Variants in COL26A1 observed in about 807,000 individuals in gnomAD.
COL26A1 encodes the protein collagen type XXVI alpha 1 chain, also known as collagen alpha-1(XXVI) chain.
A neutral mutation model predicts 59.3 loss-of-function variants in COL26A1; 41 were observed. The ratio of observed to expected loss-of-function variants is 0.69; its 90% CI spans 0.54 to 0.90. COL26A1 has a LOEUF of 0.90. COL26A1 is among the 40% of genes least tolerant of loss of function. COL26A1 has a pLI of 0.00. For missense variants in COL26A1, 612 were observed against 602.3 expected, an observed-to-expected ratio of 1.02 and a Z score of -0.17; for synonymous variants, 266 against 256.0, an observed-to-expected ratio of 1.04 and a Z score of -0.37.
intron 3 of COL26A1, among the ~76,000 whole-genome samples, chr7:101,475,372 C>A (rs924546079): frequency 2.0e-5 from 3 of 151,778 alleles, no homozygotes; most frequent in Non-Finnish European, 2.9e-5. Context: ...TCAGAGAATT[C>A]TTTTATGACC....
rs561638879 is a variant in COL26A1 at position 101,491,560 on chromosome 7, C to T, written c.386-41522C>T. ...AGCAGCCCTGAGGGGTGCTGGTTGC[C>T]CATTTTTATGGTTATTTCTTGATGA... On this transcript the variant is annotated intron_variant, in intron 3 of 12. Transcript: ENST00000313669. Among the ~76,000 whole-genome samples, 8 of 152,178 alleles carry T rather than the reference C, an allele frequency of 5.3e-5. 1 individual carries two copies. The highest frequency in any genetic ancestry group is 1.9e-4 in the African/African-American group (8 of 41,502).
chr7:101,457,911 T>C (rs1793515091), intron 3 of COL26A1, among the ~76,000 whole-genome samples: 1 of 121,694 alleles, frequency 8.2e-6, no homozygotes, highest in Non-Finnish European at 1.9e-5. Flanking sequence ...TTTTTTTTTT[T>C]TTTGAAATGG....
At chr7:101,452,740 A>G (rs1211327423) in intron 3 of COL26A1, among the ~76,000 whole-genome samples, 1 of 152,086 alleles carries the variant, frequency 6.6e-6, no homozygotes, top group Non-Finnish European at 1.5e-5. Flanking sequence ...TAGAAAAGGT[A>G]CAGTACAAAT....
chr7:101,553,220 C>G (rs1181208261), intron 10 of COL26A1, 106 bp from the exon 11 acceptor site: 1 of 1,019,330 alleles, frequency 9.8e-7, no homozygotes, highest in Non-Finnish European at 1.5e-6. Flanking sequence ...CAGGCCCTGC[C>G]TGCCCAGCCT....
intron 3 of COL26A1, among the ~76,000 whole-genome samples, chr7:101,462,938 A>G (rs184417076): frequency 1.3e-5 from 2 of 152,310 alleles, no homozygotes; most frequent in Non-Finnish European, 2.9e-5. Flanking sequence ...TCGTGCATCA[A>G]AGCACATAAT....
In COL26A1 at chr7:101,416,657, A is replaced by G. The variant is rs770074097; in HGVS notation, c.159-3320A>G. 5.6e-5 allele frequency among the ~76,000 whole-genome samples: 8 copies of G among 143,862 alleles called. 1 individual carries two copies. The highest frequency in any genetic ancestry group is 9.4e-5 in the Non-Finnish European group (6 of 63,518). The allele number at this position is 143,862 out of a possible 152,430, so 94.4% of individuals were successfully genotyped here. A position where few individuals can be genotyped will look rare whatever the true frequency, so the allele number is the denominator to read the frequency against. ...AGGTCACAGCTTAGATTTGCAGCTCATCGGTTTGCCCTTTAGCTGTTTCCA... is the reference window on the plus strand; with the variant it reads ...AGGTCACAGCTTAGATTTGCAGCTCGTCGGTTTGCCCTTTAGCTGTTTCCA... On this transcript the variant is annotated intron_variant, in intron 1 of 12. Transcript: ENST00000313669.
chr7:101,389,487 C>T (rs1350904763), intron 1 of COL26A1, among the ~76,000 whole-genome samples: 1 of 150,088 alleles, frequency 6.7e-6, no homozygotes, highest in East Asian at 2.0e-4. Context: ...TCAAGCGATT[C>T]TCCTGCCTCA....
intron 3 of COL26A1, among the ~76,000 whole-genome samples, chr7:101,513,799 A>G (rs1261838286): frequency 6.6e-6 from 1 of 152,248 alleles, no homozygotes; most frequent in East Asian, 1.9e-4. Context: ...CAGTGTTACC[A>G]CAGCACAAAC....
At position 101,409,711 on chromosome 7, in the gene COL26A1, C is replaced by T. The variant is rs372898948; in HGVS notation, c.159-10266C>T. Among the ~76,000 whole-genome samples, 30 of 152,162 alleles carry T rather than the reference C, an allele frequency of 2.0e-4. 1 individual carries two copies. Among genetic ancestry groups the T allele is most frequent in the South Asian group, 8.3e-4 (4 of 4,836 alleles). On this transcript the variant is annotated intron_variant, in intron 1 of 12. Transcript: ENST00000313669. ...ATTTAATTATTTCAAGGCAACTGAG[C>T]GAGGAGGACAGGAGATAGTTCTCAA...
At chr7:101,551,066 C>T in intron 9 of COL26A1, 42 bp from the exon 10 acceptor site, 1 of 1,550,700 alleles carries the variant, frequency 6.4e-7, no homozygotes, top group Non-Finnish European at 8.7e-7. Flanking sequence ...GAGACTTGGC[C>T]AGGACCGGCA....
intron 1 of COL26A1, among the ~76,000 whole-genome samples, chr7:101,382,559 A>C (rs988231469): frequency 6.6e-6 from 1 of 152,196 alleles, no homozygotes; most frequent in Admixed American, 6.6e-5. Flanking sequence ...TCTGTGTTTT[A>C]ATTATTATAT....
intron 3 of COL26A1, among the ~76,000 whole-genome samples, chr7:101,471,276 G>A (rs1466898579): frequency 6.6e-6 from 1 of 152,294 alleles, no homozygotes; most frequent in African/African-American, 2.4e-5. Flanking sequence ...AGCAATGGCA[G>A]AGATTTGAAT....
chr7:101,385,590 C>G (rs1470268976), intron 1 of COL26A1, among the ~76,000 whole-genome samples: 2 of 151,912 alleles, frequency 1.3e-5, no homozygotes, highest in East Asian at 1.9e-4. Context: ...AGGCTGGTCT[C>G]GAACTCCTGA....
chr7:101,421,130 A>G (rs1792509438), intron 2 of COL26A1, among the ~76,000 whole-genome samples: 1 of 152,050 alleles, frequency 6.6e-6, no homozygotes, highest in Admixed American at 6.6e-5. Context: ...GGAGAGTGGG[A>G]GAGAGATTGA....
chr7:101,465,634 A>C (rs969259963), intron 3 of COL26A1, among the ~76,000 whole-genome samples: 1 of 150,706 alleles, frequency 6.6e-6, no homozygotes, highest in Admixed American at 6.6e-5. Flanking sequence ...GCAGAGGTTG[A>C]AGTGAGCCGA....
intron 3 of COL26A1, among the ~76,000 whole-genome samples, chr7:101,503,861 TCTC>T (rs201476834): frequency 0.012 from 1,810 of 152,264 alleles, 49 homozygotes; most frequent in African/African-American, 0.042. Context: ...CAATGGCCAT[TCTC>T]CTCCTTGGAG....
intron 3 of COL26A1, among the ~76,000 whole-genome samples, chr7:101,514,682 T>C (rs940532382): frequency 5.3e-5 from 8 of 152,292 alleles, no homozygotes; most frequent in African/African-American, 1.9e-4. Flanking sequence ...AGATGTGTCT[T>C]TGGCTGCAGC....
At position 101,557,749 on chromosome 7, in the gene COL26A1, A is replaced by C; in HGVS notation, c.*219A>C. ...CCTCCTCTGGCCTGTCCCCTCCCCT[A>C]CCCCCACTCCCGGCTGGAGACGGGG... On this transcript the variant is annotated 3_prime_UTR_variant, in exon 13 of 13. Coordinates refer to ENST00000313669, the MANE Select transcript of COL26A1 (RefSeq NM_001278563.3). 4 of 463,192 alleles carry C rather than the reference A, an allele frequency of 8.6e-6. No individual in the cohort carries two copies. Among genetic ancestry groups the C allele is most frequent in the Non-Finnish European group, 1.1e-5 (3 of 264,292 alleles). The allele number at this position is 463,192 out of a possible 1,614,324, so 28.7% of individuals were successfully genotyped here.
intron 3 of COL26A1, among the ~76,000 whole-genome samples, chr7:101,491,813 T>G (rs1396119012): frequency 6.6e-6 from 1 of 152,238 alleles, no homozygotes; most frequent in Non-Finnish European, 1.5e-5. Flanking sequence ...TATCTTGTGC[T>G]GACCTCCTAT....
Sources: allele counts gnomAD v4.1 joint callset (sites outside exome capture counted in the v4.1 genomes callset), GRCh38; gene constraint gnomAD v4.1.1; transcripts MANE v1.5; gene names NCBI Gene and HGNC (gene_info 2026-07-23, HGNC 2026-07-21).